GPBP1L1: variants seen among roughly 807,000 people sequenced by gnomAD.
The protein encoded by GPBP1L1 is GC-rich promoter binding protein 1 like 1, also known as vasculin-like protein 1.
GPBP1L1 carries 23 observed loss-of-function variants against 52.5 expected under a neutral mutation model. The ratio of observed to expected loss-of-function variants is 0.44; its 90% confidence interval spans 0.32 to 0.62. The LOEUF (loss-of-function observed/expected upper bound fraction) is 0.62, where lower values mean the gene tolerates loss of function less well. Ranked by LOEUF, GPBP1L1 falls within the 20% of genes least tolerant of loss-of-function variation. The pLI, the probability that GPBP1L1 is intolerant of heterozygous loss-of-function variation, is 0.06. For synonymous variants in GPBP1L1, 243 were observed against 203.1 expected, an observed-to-expected ratio of 1.20 and a Z score of -1.67; for missense variants, 596 against 579.3, an observed-to-expected ratio of 1.03 and a Z score of -0.30.
At chr1:45,672,343 CAA>C (rs57589371) in intron 2 of GPBP1L1, among the ~76,000 whole-genome samples, 150 of 105,398 alleles carry the variant, frequency 1.4e-3, no homozygotes, top group Admixed American at 1.5e-3. Flanking sequence ...GCCCAGGCGA[CAA>C]AAAAAAAAAA....
Position 45,646,848 on chromosome 1 carries a change from T to C in GPBP1L1, c.478-4349A>G, listed in dbSNP as rs552580091. Among the ~76,000 whole-genome samples the C allele has an allele frequency of 2.7e-3, 405 of 152,200 alleles. 2 individuals carry two copies. The highest frequency in any genetic ancestry group is 4.5e-3 in the Non-Finnish European group (309 of 67,996). ...CTGGGATTACAGGTGTGAGCCACCGTACCCGGCCACTTGTCAGTATTTAAG... is the reference window on the plus strand; with the variant it reads ...CTGGGATTACAGGTGTGAGCCACCGCACCCGGCCACTTGTCAGTATTTAAG... On this transcript the variant is annotated intron_variant, in intron 6 of 12. Transcript: ENST00000355105.
intron 2 of GPBP1L1, among the ~76,000 whole-genome samples, chr1:45,681,274 T>C (rs1645209475): frequency 6.6e-6 from 1 of 152,170 alleles, no homozygotes; most frequent in South Asian, 2.1e-4. Flanking sequence ...CTAACAAATT[T>C]AGTCTTCTCA....
In GPBP1L1 at chr1:45,654,532, T is replaced by C. The variant is rs1216725571; in HGVS notation, c.477+11A>G. The C allele has an allele frequency of 6.2e-7, 1 of 1,600,208 alleles. No individual in the cohort carries two copies. Among genetic ancestry groups the C allele is most frequent in the Non-Finnish European group, 8.5e-7 (1 of 1,170,446 alleles). ...TGGCTTCTAACCACACATCTAAAGA[T>C]TCATACTTACAAAGTCCTCCTCTTC... On this transcript the variant is annotated intron_variant, in intron 6 of 12. Transcript: ENST00000355105.
intron 6 of GPBP1L1, 43 bp downstream of exon 6, chr1:45,654,497 CATT>C: frequency 1.3e-6 from 2 of 1,504,620 alleles, no homozygotes; most frequent in Non-Finnish European, 1.8e-6. Context: ...ATATTTCAGA[CATT>C]ATTTGTTGGC....
intron 8 of GPBP1L1, 66 bp downstream of exon 8, chr1:45,640,140 TATTA>T (rs1219499381): frequency 1.2e-4 from 150 of 1,263,992 alleles, no homozygotes; most frequent in Non-Finnish European, 1.6e-4. Flanking sequence ...AAAACAAATT[TATTA>T]ATTTTTTCCT....
intron 1 of GPBP1L1, among the ~76,000 whole-genome samples, chr1:45,685,917 CCA>C (rs1553185848): frequency 6.6e-6 from 1 of 152,228 alleles, no homozygotes; most frequent in Non-Finnish European, 1.5e-5. Context: ...CACCTCGCTA[CCA>C]CAGAGAACCG....
chr1:45,656,416 C>T (rs1411377984), intron 4 of GPBP1L1, among the ~76,000 whole-genome samples: 3 of 152,142 alleles, frequency 2.0e-5, no homozygotes, highest in African/African-American at 4.8e-5. Context: ...AACATCCTTG[C>T]CAATATTTTA....
chr1:45,668,126 T>C (rs1464325530), intron 2 of GPBP1L1, among the ~76,000 whole-genome samples: 1 of 152,164 alleles, frequency 6.6e-6, no homozygotes, highest in Non-Finnish European at 1.5e-5. Context: ...CACAGAAAAT[T>C]ACCTTTCTCC....
chr1:45,673,535 C>G (rs1300515014), intron 2 of GPBP1L1, among the ~76,000 whole-genome samples: 1 of 152,228 alleles, frequency 6.6e-6, no homozygotes, highest in Non-Finnish European at 1.5e-5. Flanking sequence ...ATGAAGCTGA[C>G]TGTGGTTGAA....
intron 2 of GPBP1L1, among the ~76,000 whole-genome samples, chr1:45,684,715 G>C (rs1000301260): frequency 2.0e-4 from 30 of 151,984 alleles, no homozygotes; most frequent in African/African-American, 7.0e-4. Flanking sequence ...CAGTTTAGTA[G>C]TTAACAGTGA....
chr1:45,656,308 T>C (rs925436482), intron 4 of GPBP1L1: 5 of 152,202 alleles, frequency 3.3e-5, no homozygotes, highest in Non-Finnish European at 5.9e-5. Flanking sequence ...CATTCTTAAA[T>C]GATAGAGACC....
At chr1:45,633,816 T>C (rs765027082) in intron 9 of GPBP1L1, 169 bp from the exon 10 acceptor site, 34 of 745,514 alleles carry the variant, frequency 4.6e-5, no homozygotes, top group Non-Finnish European at 6.6e-5. Context: ...AGGGTTTATA[T>C]AGTTAAGAGC....
At chr1:45,656,846 T>C (rs549495972) in intron 4 of GPBP1L1, among the ~76,000 whole-genome samples, 2 of 76,982 alleles carry the variant, frequency 2.6e-5, no homozygotes, top group African/African-American at 4.2e-5. Flanking sequence ...TTGTTGTTGT[T>C]TTTTTTTTAA....
chr1:45,638,520 G>A (rs771286527), intron 8 of GPBP1L1, among the ~76,000 whole-genome samples: 3 of 152,034 alleles, frequency 2.0e-5, no homozygotes, highest in African/African-American at 4.8e-5. Flanking sequence ...TTCTGAACTA[G>A]TTTCTCAGTA....
Position 45,659,100 on chromosome 1 carries a change from T to C in GPBP1L1, c.-13A>G, listed in dbSNP as rs755678793. 4 of 1,613,964 alleles carry C rather than the reference T, an allele frequency of 2.5e-6. No homozygotes were observed. The highest frequency in any genetic ancestry group is 3.4e-6 in the Non-Finnish European group (4 of 1,179,918). On this transcript the variant is annotated 5_prime_UTR_variant, in exon 4 of 13. Coordinates refer to ENST00000355105, the MANE Select transcript of GPBP1L1 (RefSeq NM_021639.5). ...CATGCTGCGCCATTTAGGTCCAGTG[T>C]CTCCTTTCAGTAAGGTGAGGCATCC...
chr1:45,666,050 C>T (rs1362751781), intron 2 of GPBP1L1, among the ~76,000 whole-genome samples: 2 of 151,966 alleles, frequency 1.3e-5, no homozygotes, highest in African/African-American at 4.8e-5. Flanking sequence ...CTTTCCCCCA[C>T]CCCTCAAAAA....
chr1:45,648,789 A>G (rs1268718805), intron 6 of GPBP1L1, among the ~76,000 whole-genome samples: 1 of 152,222 alleles, frequency 6.6e-6, no homozygotes, highest in African/African-American at 2.4e-5. Context: ...GCACTTTGGG[A>G]GGCTGAGGCA....
intron 2 of GPBP1L1, among the ~76,000 whole-genome samples, chr1:45,661,543 C>T (rs1393921465): frequency 6.6e-6 from 1 of 151,872 alleles, no homozygotes; most frequent in Non-Finnish European, 1.5e-5. Flanking sequence ...GCAACCTCCA[C>T]CTCCCGGGTT....
chr1:45,681,137 C>T (rs1297812841), intron 2 of GPBP1L1, among the ~76,000 whole-genome samples: 1 of 152,060 alleles, frequency 6.6e-6, no homozygotes, highest in Non-Finnish European at 1.5e-5. Flanking sequence ...TACTTAGCAT[C>T]TCAAACGAGA....
Sources: gnomAD v4.1 joint callset for allele counts (sites outside exome capture counted in the v4.1 genomes callset) on GRCh38, gnomAD v4.1.1 for gene constraint, MANE v1.5 for transcripts, NCBI Gene and HGNC (gene_info 2026-07-23, HGNC 2026-07-21) for gene names.